Variants in SEMA5A observed in about 807,000 individuals in gnomAD.
SEMA5A encodes the protein semaphorin-5A.
Under a neutral mutation model 135.5 loss-of-function variants are expected in SEMA5A, and 55 were observed. That is an observed-to-expected ratio of 0.41 (90% CI 0.33 to 0.51). The LOEUF (loss-of-function observed/expected upper bound fraction) is 0.51, where lower values mean the gene tolerates loss of function less well. SEMA5A is among the 20% of genes least tolerant of loss of function. SEMA5A has a pLI of 0.37. For missense variants in SEMA5A, 1,290 were observed against 1,419.9 expected (o/e 0.91, Z 1.47); for synonymous variants, 580 against 546.5 (o/e 1.06, Z -0.85).
chr5:9,319,957 T>G (rs1027209833), intron 4 of SEMA5A, among the ~76,000 whole-genome samples: 1 of 151,960 alleles, frequency 6.6e-6, no homozygotes, highest in African/African-American at 2.4e-5. Context: ...TGGACAGAGT[T>G]AGGGAGGACA....
chr5:9,331,670 C>T (rs1484760376), intron 4 of SEMA5A, among the ~76,000 whole-genome samples: 3 of 152,166 alleles, frequency 2.0e-5, no homozygotes, highest in Non-Finnish European at 4.4e-5. Context: ...CCTCCCTTGC[C>T]ACCCCCACCC....
chr5:9,329,519 T>G (rs1481556774), intron 4 of SEMA5A, among the ~76,000 whole-genome samples: 1 of 152,254 alleles, frequency 6.6e-6, no homozygotes, highest in Non-Finnish European at 1.5e-5. Flanking sequence ...AGAAGCTTCC[T>G]GGCATAAAGT....
chr5:9,224,930 G>T, intron 7 of SEMA5A, 43 bp from the exon 8 acceptor site: 1 of 1,551,858 alleles, frequency 6.4e-7, no homozygotes, highest in Non-Finnish European at 8.8e-7. Flanking sequence ...CTCTGCACAA[G>T]CCCCTTTAGT....
intron 14 of SEMA5A, among the ~76,000 whole-genome samples, chr5:9,120,077 G>A (rs2150180122): frequency 6.6e-6 from 1 of 151,736 alleles, no homozygotes; most frequent in East Asian, 1.9e-4. Flanking sequence ...AAAATACATA[G>A]GTTTTTTTTT....
chr5:9,051,813 A>G, intron 20 of SEMA5A, 60 bp downstream of exon 20: 1 of 1,603,806 alleles, frequency 6.2e-7, no homozygotes, highest in Non-Finnish European at 8.5e-7. Context: ...CCTATGAATC[A>G]TTTTCTCTCT....
chr5:9,207,628 A>G (rs1746103497), intron 8 of SEMA5A, among the ~76,000 whole-genome samples: 1 of 152,340 alleles, frequency 6.6e-6, no homozygotes, highest in African/African-American at 2.4e-5. Flanking sequence ...TTCCATAAGC[A>G]TTCCCTGATT....
intron 1 of SEMA5A, among the ~76,000 whole-genome samples, chr5:9,484,533 T>C (rs1435075024): frequency 2.0e-5 from 3 of 152,238 alleles, no homozygotes; most frequent in African/African-American, 4.8e-5. Context: ...TGAAGTCTTT[T>C]ACATTTCAAG....
At chr5:9,469,371 A>G (rs555835851) in intron 1 of SEMA5A, among the ~76,000 whole-genome samples, 1 of 152,328 alleles carries the variant, frequency 6.6e-6, no homozygotes, top group Admixed American at 6.5e-5. Flanking sequence ...CCTAGATTTT[A>G]GTTATGCGGA....
At chr5:9,058,355 T>A (rs909382280) in intron 18 of SEMA5A, among the ~76,000 whole-genome samples, 2 of 151,998 alleles carry the variant, frequency 1.3e-5, no homozygotes, top group African/African-American at 2.4e-5. Context: ...AAGCACAGGT[T>A]AGGGCTTCCC....
rs1334035422 is a variant in SEMA5A at position 9,303,734 on chromosome 5, T to C, written c.270+14638A>G. Among the ~76,000 whole-genome samples, 3 of 152,108 alleles carry C rather than the reference T, an allele frequency of 2.0e-5. No individual in the cohort carries two copies. The East Asian group carries it at 5.8e-4, about 29-fold the overall frequency. On this transcript the variant is annotated intron_variant, in intron 5 of 22. Transcript: ENST00000382496. ...CCCATCAATATGTACAAATACAATG[T>C]GCCAATAAATATTTTTAAAGGAATA...
At chr5:9,448,258 A>G (rs2126697398) in intron 1 of SEMA5A, among the ~76,000 whole-genome samples, 1 of 152,348 alleles carries the variant, frequency 6.6e-6, no homozygotes, top group Non-Finnish European at 1.5e-5. Context: ...TTCACCAATT[A>G]TTAAAGGAGC....
chr5:9,166,072 G>T (rs2150295784), intron 11 of SEMA5A, among the ~76,000 whole-genome samples: 2 of 152,238 alleles, frequency 1.3e-5, no homozygotes, highest in South Asian at 4.1e-4. Context: ...GAAAAGGATA[G>T]TCAGTCGGTT....
chr5:9,131,045 G>A (rs1741382871), intron 13 of SEMA5A, among the ~76,000 whole-genome samples: 1 of 152,170 alleles, frequency 6.6e-6, no homozygotes, highest in South Asian at 2.1e-4. Flanking sequence ...GTTATTAGGA[G>A]ACCCCCTAGG....
At position 9,154,713 on chromosome 5, in the gene SEMA5A, T is replaced by G. The variant is rs1742860813; in HGVS notation, c.1274-18A>C. The G allele has an allele frequency of 6.2e-7, 1 of 1,609,782 alleles. No individual in the cohort carries two copies. The highest frequency in any genetic ancestry group is 1.3e-5 in the African/African-American group (1 of 74,754). On this transcript the variant is annotated intron_variant, in intron 11 of 22. Transcript: ENST00000382496. ...TCCGTAATCTATGAAGGTCACAGGA[T>G]GAAAAGGAAACAAGGTCAGAGGGTC...
At chr5:9,157,582 C>A (rs1310919036) in intron 11 of SEMA5A, among the ~76,000 whole-genome samples, 1 of 152,152 alleles carries the variant, frequency 6.6e-6, no homozygotes, top group Non-Finnish European at 1.5e-5. Flanking sequence ...TTCCTCTACA[C>A]CTCTGTCACC....
In SEMA5A at chr5:9,066,545, A is replaced by G. The variant is rs780956824; in HGVS notation, c.2175T>C (p.Tyr725=). 6.2e-7 allele frequency: 1 copy of G among 1,614,180 alleles called. No homozygotes were observed. The highest frequency in any genetic ancestry group is 1.1e-5 in the South Asian group (1 of 91,078). The change falls in exon 17 of 23, where the codon TAT becomes TAC. Residue 725 remains tyrosine (Y), a synonymous_variant. Coordinates refer to ENST00000382496, the MANE Select transcript of SEMA5A (RefSeq NM_003966.3). ...PVNISDNGGH[Y]EQRFRYTCKA... is the part of the protein sequence containing the mutation. The stretch of plus-strand genomic sequence containing the variant: ...TGCATGTGTATCGGAATCGTTGCTC[A>G]TAGTGGCCGCCGTTGTCAGAGATGT...
intron 5 of SEMA5A, among the ~76,000 whole-genome samples, chr5:9,288,051 A>G (rs1487246349): frequency 6.6e-6 from 1 of 152,162 alleles, no homozygotes; most frequent in Non-Finnish European, 1.5e-5. Context: ...AGATAAATGT[A>G]AAAGAGACAC....
Position 9,305,707 on chromosome 5 carries a change from C to CATATATATATATATAT in SEMA5A, c.270+12664_270+12665insATATATATATATATAT, listed in dbSNP as rs1561128483. 2.6e-4 allele frequency among the ~76,000 whole-genome samples: 11 copies of CATATATATATATATAT among 42,850 alleles called. 1 individual carries two copies. The highest frequency in any genetic ancestry group is 5.7e-4 in the African/African-American group (11 of 19,466). The allele number at this position is 42,850 out of a possible 152,430, so 28.1% of individuals were successfully genotyped here. ...ACAGTATATATACTGTGTGTGTGTG[C>CATATATATATATATAT]GTATATATATATATATATATTTACA... On this transcript the variant is annotated intron_variant, in intron 5 of 22. Transcript: ENST00000382496.
intron 10 of SEMA5A, among the ~76,000 whole-genome samples, chr5:9,193,193 G>A (rs1227377800): frequency 6.6e-6 from 1 of 152,070 alleles, no homozygotes; most frequent in Non-Finnish European, 1.5e-5. Context: ...CTATGTATTG[G>A]ATCATAAGCA....
Sources: gnomAD v4.1 joint callset for allele counts (sites outside exome capture counted in the v4.1 genomes callset) on GRCh38, gnomAD v4.1.1 for gene constraint, MANE v1.5 for transcripts, NCBI Gene and HGNC (gene_info 2026-07-23, HGNC 2026-07-21) for gene names.